Variants in DPP6 observed in about 807,000 individuals in gnomAD.
The protein encoded by DPP6 is dipeptidyl peptidase like 6, also known as A-type potassium channel modulatory protein DPP6.
DPP6 carries 69 observed loss-of-function variants against 122.6 expected under a neutral mutation model. That is an observed-to-expected ratio of 0.56 (90% CI 0.46 to 0.69). The LOEUF is 0.69. DPP6 is among the 30% of genes least tolerant of loss of function. DPP6 has a pLI of 0.00. For synonymous variants in DPP6, 418 were observed against 433.1 expected (o/e 0.97, Z 0.43); for missense variants, 928 against 1,116.9 (o/e 0.83, Z 2.41).
At chr7:154,534,336 G>A (rs1828070696) in intron 3 of DPP6, among the ~76,000 whole-genome samples, 1 of 152,132 alleles carries the variant, frequency 6.6e-6, no homozygotes, top group Non-Finnish European at 1.5e-5. Context: ...ATGAAAAGAT[G>A]TGTTCTAATG....
chr7:154,661,748 T>C (rs1837681453), intron 6 of DPP6, among the ~76,000 whole-genome samples: 2 of 145,600 alleles, frequency 1.4e-5, no homozygotes, highest in Middle Eastern at 3.6e-3. Flanking sequence ...TCATGGTGAA[T>C]CACCATGGCG....
At chr7:153,999,017 C>T (rs1349770554) in intron 1 of DPP6, among the ~76,000 whole-genome samples, 7 of 152,344 alleles carry the variant, frequency 4.6e-5, no homozygotes, top group East Asian at 1.9e-4. Context: ...CGTGGCTGGC[C>T]GATGACTGAT....
intron 1 of DPP6, among the ~76,000 whole-genome samples, chr7:154,173,518 T>G (rs1797642149): frequency 6.6e-6 from 1 of 152,162 alleles, no homozygotes; most frequent in South Asian, 2.1e-4. Flanking sequence ...CTCCACTGCC[T>G]GGACTCCTCT....
chr7:153,954,087 A>G (rs182032826), intron 1 of DPP6, among the ~76,000 whole-genome samples: 28 of 152,360 alleles, frequency 1.8e-4, no homozygotes, highest in African/African-American at 6.0e-4. Context: ...CATCGCTTCT[A>G]TAAAATGCCT....
chr7:153,835,135 T>C, the DPP6 span, among the ~76,000 whole-genome samples: 5 of 152,264 alleles, frequency 3.3e-5, no homozygotes, highest in Admixed American at 2.0e-4. Context: ...AAACTGAATT[T>C]ATTTCTGTCT....
At chr7:154,085,067 C>G (rs1379969446) in intron 1 of DPP6, among the ~76,000 whole-genome samples, 1 of 148,324 alleles carries the variant, frequency 6.7e-6, no homozygotes, top group Non-Finnish European at 1.5e-5. Context: ...TAATTTACCA[C>G]AAATTCAGAA....
chr7:154,811,788 C>T (rs1464989708), intron 16 of DPP6, among the ~76,000 whole-genome samples: 1 of 152,210 alleles, frequency 6.6e-6, no homozygotes, highest in Admixed American at 6.5e-5. Flanking sequence ...TTCCTTCACA[C>T]CCCAAGTTAT....
intron 3 of DPP6, among the ~76,000 whole-genome samples, chr7:154,527,338 G>A (rs763334838): frequency 5.3e-5 from 8 of 152,186 alleles, no homozygotes; most frequent in Non-Finnish European, 1.2e-4. Flanking sequence ...GCCTATCACA[G>A]ACATGGAATT....
intron 16 of DPP6, among the ~76,000 whole-genome samples, chr7:154,823,555 A>G (rs907951392): frequency 6.6e-6 from 1 of 152,196 alleles, no homozygotes; most frequent in African/African-American, 2.4e-5. Flanking sequence ...GACAGATTTC[A>G]ACTTAACATA....
chr7:154,534,461 A>G (rs1344339456), intron 3 of DPP6, among the ~76,000 whole-genome samples: 1 of 152,170 alleles, frequency 6.6e-6, no homozygotes, highest in East Asian at 1.9e-4. Context: ...TTTGCATAAC[A>G]TGATTGTGTA....
At chr7:153,855,183 A>G in the DPP6 span, among the ~76,000 whole-genome samples, 1 of 151,060 alleles carries the variant, frequency 6.6e-6, no homozygotes, top group African/African-American at 2.4e-5. Flanking sequence ...GCACATGTAT[A>G]CATATGTAAC....
chr7:153,997,030 CCTCTCTCT>C (rs139415383), intron 1 of DPP6, among the ~76,000 whole-genome samples: 6 of 148,246 alleles, frequency 4.0e-5, no homozygotes, highest in East Asian at 2.0e-4. Flanking sequence ...AATCTTTATG[CCTCTCTCT>C]CTCTCTCTCT....
chr7:154,485,807 T>TA (rs1438571383), intron 3 of DPP6, among the ~76,000 whole-genome samples: 1 of 152,104 alleles, frequency 6.6e-6, no homozygotes, highest in Non-Finnish European at 1.5e-5. Flanking sequence ...TTTTTTTTTA[T>TA]TATACTTTAA....
chr7:154,878,807 T>G lies in DPP6; in HGVS notation c.2079-2081T>G, dbSNP rs62472973. ...TCTCTGGGCTCAACTTGGGATTTTC[T>G]TCACGATTGTTTCTTTTGGGTCCTA... On this transcript the variant is annotated intron_variant, in intron 20 of 25. Coordinates refer to ENST00000377770, the MANE Select transcript of DPP6 (RefSeq NM_130797.4). Among the ~76,000 whole-genome samples the G allele has an allele frequency of 8.0e-3, 1,213 of 152,342 alleles. 6 individuals carry two copies. Among genetic ancestry groups the G allele is most frequent in the Non-Finnish European group, 0.01 (712 of 68,034 alleles).
At chr7:154,396,659 C>T (rs1815115367) in intron 1 of DPP6, among the ~76,000 whole-genome samples, 1 of 152,214 alleles carries the variant, frequency 6.6e-6, no homozygotes, top group Non-Finnish European at 1.5e-5. Context: ...CGTGTTAGAG[C>T]ACACACAAAG....
intron 4 of DPP6, among the ~76,000 whole-genome samples, chr7:154,556,320 T>C (rs1476367820): frequency 2.0e-5 from 3 of 152,214 alleles, no homozygotes; most frequent in Non-Finnish European, 2.9e-5. Context: ...TCACAGTCTG[T>C]CTGAATCCAC....
At chr7:154,538,259 C>T (rs563544774) in intron 3 of DPP6, among the ~76,000 whole-genome samples, 34 of 152,106 alleles carry the variant, frequency 2.2e-4, no homozygotes, top group South Asian at 2.1e-4. Context: ...TATTAAGTTC[C>T]GGGATACATG....
At chr7:154,423,768 T>C (rs1817673430) in intron 1 of DPP6, among the ~76,000 whole-genome samples, 1 of 152,252 alleles carries the variant, frequency 6.6e-6, no homozygotes, top group Non-Finnish European at 1.5e-5. Context: ...AGTTATAAGA[T>C]GCCTCTATTA....
Position 154,090,468 on chromosome 7 carries a change from A to G in DPP6, c.243+37405A>G, listed in dbSNP as rs149475327. Reference sequence around the variant, plus strand: ...TGCCTATTGAGAAGTATGTTATGAAATCTAGGGTTTGTATTCCCATCCGTA... The same window carrying G: ...TGCCTATTGAGAAGTATGTTATGAAGTCTAGGGTTTGTATTCCCATCCGTA... On this transcript the variant is annotated intron_variant, in intron 1 of 25. Coordinates refer to ENST00000377770, the MANE Select transcript of DPP6 (RefSeq NM_130797.4). 3.6e-3 allele frequency among the ~76,000 whole-genome samples: 544 copies of G among 152,344 alleles called. 7 individuals carry two copies. The highest frequency in any genetic ancestry group is 0.012 in the African/African-American group (511 of 41,580).
Sources: gnomAD v4.1 joint callset for allele counts (sites outside exome capture counted in the v4.1 genomes callset) on GRCh38, gnomAD v4.1.1 for gene constraint, MANE v1.5 for transcripts, NCBI Gene and HGNC (gene_info 2026-07-23, HGNC 2026-07-21) for gene names.